Variants in UNC5A observed in about 807,000 individuals in gnomAD.
The protein encoded by UNC5A is unc-5 netrin receptor A.
In UNC5A, 20 loss-of-function variants were observed where a neutral mutation model predicts 87.4. That is an observed-to-expected ratio of 0.23 (90% CI 0.16 to 0.33). The LOEUF (loss-of-function observed/expected upper bound fraction) is 0.33. UNC5A is among the 10% of genes least tolerant of loss of function. The pLI is 1.00. For missense variants in UNC5A, 844 were observed against 1,133.4 expected (o/e 0.74, Z 3.67); for synonymous variants, 438 against 482.3 (o/e 0.91, Z 1.20).
chr5:176,877,243 A>C lies in UNC5A; in HGVS notation c.1430A>C (p.Glu477Ala). ...GCCATACCCCGAGGGAAGATCTATG[A>C]GATCTACCTCACGCTGCACAAGCCG... ...PDAIPRGKIY[E>A]IYLTLHKPED... Residue 477 changes from glutamate to alanine, a missense_variant, in exon 9 of 15, where the codon GAG (glutamate) becomes GCG (alanine). Around this residue, in one of 3 missense-constraint regions of UNC5A, gnomAD observed 353 missense variants for 387.5 expected, o/e 0.91. Transcript: ENST00000329542. The C allele has an allele frequency of 6.2e-7, 1 of 1,612,726 alleles. No homozygotes were observed. The highest frequency in any genetic ancestry group is 2.2e-5 in the East Asian group (1 of 44,868).
intron 1 of UNC5A, among the ~76,000 whole-genome samples, chr5:176,828,977 A>G (rs1025814662): frequency 6.6e-6 from 1 of 152,132 alleles, no homozygotes; most frequent in Non-Finnish European, 1.5e-5. Flanking sequence ...AAAAATACAA[A>G]AATTAGACAG....
intron 1 of UNC5A, among the ~76,000 whole-genome samples, chr5:176,851,914 G>A (rs773234134): frequency 2.9e-4 from 44 of 152,322 alleles, no homozygotes; most frequent in Middle Eastern, 3.4e-3. Flanking sequence ...ACCTCCATCC[G>A]TGGGCAGTCG....
At chr5:176,856,780 C>CA (rs1369458160) in intron 1 of UNC5A, among the ~76,000 whole-genome samples, 1 of 152,144 alleles carries the variant, frequency 6.6e-6, no homozygotes, top group African/African-American at 2.4e-5. Flanking sequence ...CCTCCCCTCC[C>CA]ACTCCTCACG....
Position 176,865,007 on chromosome 5 carries a change from A to G in UNC5A, c.292+2162A>G, listed in dbSNP as rs1757936828. On this transcript the variant is annotated intron_variant, in intron 2 of 14. Transcript: ENST00000329542. This position sits in a 1 kb window ranked among gnomAD's most constrained non-coding sequence, Gnocchi z 5.3. ...GCAAGTCCCTCCCCTCCCTGGGCTC[A>G]GTTTCTTCATCTGTAAAATGGGGGT... The G allele has an allele frequency of 8.4e-6, 3 of 355,798 alleles. No homozygotes were observed. Among genetic ancestry groups the G allele is most frequent in the Non-Finnish European group, 1.7e-5 (3 of 179,450 alleles). 22.0% of individuals were successfully genotyped at this position (355,798 alleles called of 1,614,324 possible).
At chr5:176,843,453 G>C (rs1054769602) in intron 1 of UNC5A, among the ~76,000 whole-genome samples, 3 of 152,160 alleles carry the variant, frequency 2.0e-5, no homozygotes, top group African/African-American at 7.2e-5. Context: ...TTGGGAGGGG[G>C]GATTGGTGCA....
intron 1 of UNC5A, among the ~76,000 whole-genome samples, chr5:176,839,833 T>TTC (rs1017880692): frequency 4.2e-5 from 6 of 141,354 alleles, no homozygotes; most frequent in African/African-American, 1.7e-4. Flanking sequence ...TTTTTTTTTT[T>TTC]CTTGACAGAG....
intron 2 of UNC5A, chr5:176,864,842 A>AT (rs2149364969): frequency 2.2e-6 from 1 of 456,062 alleles, no homozygotes; most frequent in Non-Finnish European, 4.4e-6. Flanking sequence ...TTGGCGGCCA[A>AT]TGTAGCCCAA....
At position 176,870,404 on chromosome 5, in the gene UNC5A, G is replaced by A. The variant is rs143939026; in HGVS notation, c.756G>A (p.Ser252=). ...DGSWSPWSKW[S]ACGLDCTHWR... ...GCTGGAGCCCGTGGAGCAAGTGGTC[G>A]GCCTGTGGGCTGGACTGCACCCACT... Residue 252 remains serine (S), a synonymous_variant, in exon 6 of 15, where the codon TCG becomes TCA. Coordinates refer to ENST00000329542, the MANE Select transcript of UNC5A (RefSeq NM_133369.3). 50 of 1,611,994 alleles carry A rather than the reference G, an allele frequency of 3.1e-5. No individual in the cohort carries two copies. Among genetic ancestry groups the A allele is most frequent in the Middle Eastern group, 3.4e-4 (2 of 5,828 alleles).
At chr5:176,862,878 C>A in intron 2 of UNC5A, 33 bp downstream of exon 2, 2 of 1,608,670 alleles carry the variant, frequency 1.2e-6, no homozygotes, top group Non-Finnish European at 1.7e-6. Flanking sequence ...CAGGGCCAAT[C>A]CGGGGGAGGC....
intron 2 of UNC5A, 84 bp from the exon 3 acceptor site, chr5:176,868,046 A>T: frequency 7.7e-7 from 1 of 1,295,334 alleles, no homozygotes; most frequent in Non-Finnish European, 1.0e-6. Flanking sequence ...AGTCAGCGAG[A>T]GTGGCTGAGG....
intron 1 of UNC5A, among the ~76,000 whole-genome samples, chr5:176,862,104 C>T (rs1229149794): frequency 2.0e-5 from 3 of 152,244 alleles, no homozygotes; most frequent in Non-Finnish European, 2.9e-5. Flanking sequence ...TCCCGGCTCT[C>T]GCCTTGCCCG....
chr5:176,812,055 C>T (rs1756471242), intron 1 of UNC5A, among the ~76,000 whole-genome samples: 13 of 152,116 alleles, frequency 8.5e-5, no homozygotes, highest in Admixed American at 8.5e-4. Context: ...CCTCAGTACC[C>T]CTCTCTACTC....
At chr5:176,845,269 C>G (rs1757377025) in intron 1 of UNC5A, among the ~76,000 whole-genome samples, 1 of 152,238 alleles carries the variant, frequency 6.6e-6, no homozygotes, top group Non-Finnish European at 1.5e-5. Flanking sequence ...TCTCTGACCC[C>G]CTCGTCCCTG....
chr5:176,814,015 C>T (rs980492700), intron 1 of UNC5A, among the ~76,000 whole-genome samples: 2 of 152,212 alleles, frequency 1.3e-5, no homozygotes, highest in African/African-American at 4.8e-5. Context: ...CTTGCTTCTC[C>T]CTTCTCTCTC....
intron 14 of UNC5A, 92 bp from the exon 15 acceptor site, chr5:176,879,629 C>T (rs1371227078): frequency 2.6e-5 from 41 of 1,558,228 alleles, no homozygotes; most frequent in South Asian, 3.7e-5. Context: ...TGTTTGGCTT[C>T]GGGGAGGCCC....
chr5:176,878,310 A>G lies in UNC5A; in HGVS notation c.1936A>G (p.Lys646Glu). 1.2e-6 allele frequency: 2 copies of G among 1,613,300 alleles called. No homozygotes were observed. Among genetic ancestry groups the G allele is most frequent in the Non-Finnish European group, 1.7e-6 (2 of 1,180,000 alleles). Residue 646 changes from lysine to glutamate, a missense_variant, in exon 12 of 15, where the codon AAG becomes GAG. Transcript: ENST00000329542. ...LIQEPRVLHFKDSYHNLRLSI... is the reference protein window; with the variant it reads ...LIQEPRVLHFEDSYHNLRLSI... ...CCAGGAGCCACGGGTCCTGCACTTCAAGGACAGTTACCACAACCTGCGCCT... is the reference window on the plus strand; with the variant it reads ...CCAGGAGCCACGGGTCCTGCACTTCGAGGACAGTTACCACAACCTGCGCCT...
At chr5:176,873,850 C>G in intron 6 of UNC5A, 118 bp from the exon 7 acceptor site, 3 of 1,064,184 alleles carry the variant, frequency 2.8e-6, no homozygotes, top group Non-Finnish European at 4.1e-6. Flanking sequence ...CGTCTGCTCC[C>G]TAGCTAGTGC....
chr5:176,859,544 A>G (rs868617754), intron 1 of UNC5A, among the ~76,000 whole-genome samples: 44 of 74,348 alleles, frequency 5.9e-4, no homozygotes, highest in South Asian at 1.4e-3. Context: ...TAGAGGGCAT[A>G]GCTGCTAGAA....
chr5:176,873,420 C>T (rs926041895), intron 6 of UNC5A, among the ~76,000 whole-genome samples: 8 of 152,060 alleles, frequency 5.3e-5, no homozygotes, highest in Non-Finnish European at 1.0e-4. Context: ...TCCATTTATG[C>T]AAAACCCTTC....
Sources: allele counts gnomAD v4.1 joint callset (sites outside exome capture counted in the v4.1 genomes callset), GRCh38; gene constraint gnomAD v4.1.1; regional missense constraint gnomAD v4.1.1; non-coding constraint Gnocchi (gnomAD v3.1); transcripts MANE v1.5; gene names NCBI Gene and HGNC (gene_info 2026-07-23, HGNC 2026-07-21).